DMTF1: variants seen among roughly 807,000 people sequenced by gnomAD.
The protein encoded by DMTF1 is cyclin D binding myb like transcription factor 1, also known as cyclin-D-binding Myb-like transcription factor 1.
DMTF1 carries 39 observed loss-of-function variants against 91.1 expected under a neutral mutation model. The observed-to-expected ratio is 0.43, with a 90% CI of 0.33 to 0.56. The LOEUF (loss-of-function observed/expected upper bound fraction) is 0.56, where lower values mean the gene tolerates loss of function less well. DMTF1 is among the 20% of genes least tolerant of loss of function. The pLI is 0.05. For synonymous variants in DMTF1, 338 were observed against 309.5 expected (o/e 1.09, Z -0.97); for missense variants, 750 against 914.5 (o/e 0.82, Z 2.32).
At chr7:87,157,704 C>A (rs1791123856) in intron 1 of DMTF1, among the ~76,000 whole-genome samples, 2 of 152,004 alleles carry the variant, frequency 1.3e-5, no homozygotes, top group South Asian at 2.1e-4. Flanking sequence ...AGAGTTATTT[C>A]TTTATGCTTA....
Position 87,174,680 on chromosome 7 carries a change from G to A in DMTF1, c.519+11G>A, listed in dbSNP as rs1365419172. 1 of 1,581,150 alleles carries A rather than the reference G, an allele frequency of 6.3e-7. No homozygotes were observed. On this transcript the variant is annotated intron_variant, in intron 7 of 17. Transcript: ENST00000331242. ...GAACGCTATCTTAAGGTATCTTATGGCATATTTTTATGTTTCACCAATTTG... is the reference window on the plus strand; with the variant it reads ...GAACGCTATCTTAAGGTATCTTATGACATATTTTTATGTTTCACCAATTTG...
intron 12 of DMTF1, 126 bp from the exon 13 acceptor site, chr7:87,187,966 T>C: frequency 1.5e-6 from 1 of 651,222 alleles, no homozygotes; most frequent in South Asian, 1.9e-5. Flanking sequence ...TTATAAGCTC[T>C]CACATCCAGT....
rs375198659 is a variant in DMTF1, at chr7:87,188,129, A to G, written c.1239A>G (p.Gln413=). 7 of 1,613,822 alleles carry G rather than the reference A, an allele frequency of 4.3e-6. No homozygotes were observed. The highest frequency in any genetic ancestry group is 4.5e-5 in the East Asian group (2 of 44,882). Residue 413 remains glutamine, a synonymous_variant, in exon 13 of 18, where the codon CAA becomes CAG. Transcript: ENST00000331242. ...IKGLKQLHEN[Q]KNNPTLLENK... is the part of the protein sequence containing the mutation. ...GTCTTAAACAGTTACATGAGAACCAAAAAAACAACCCAACGCTTTTGGAGA... is the reference window on the plus strand; with the variant it reads ...GTCTTAAACAGTTACATGAGAACCAGAAAAACAACCCAACGCTTTTGGAGA...
chr7:87,179,803 T>C (rs1796958843), intron 8 of DMTF1, 101 bp downstream of exon 8: 5 of 1,110,414 alleles, frequency 4.5e-6, no homozygotes, highest in Non-Finnish European at 6.3e-6. Flanking sequence ...AAGGTATTAA[T>C]TGTTGTTAAT....
chr7:87,180,081 T>TA lies in DMTF1; in HGVS notation c.677+382dup, dbSNP rs550050283. 1.4e-4 allele frequency among the ~76,000 whole-genome samples: 22 copies of TA among 152,384 alleles called. No individual in the cohort carries two copies. In the East Asian group the frequency reaches 4.2e-3, roughly 29 times the overall value. On this transcript the variant is annotated intron_variant, in intron 8 of 17. Transcript: ENST00000331242. ...CATTCCTAGGTCAGTGGCCTTTTTT[T>TA]AAATCCAGAATGGAAAAGAACTACA... is the stretch of plus-strand genomic sequence containing the variant.
chr7:87,158,770 A>G lies in DMTF1; in HGVS notation c.-131-4725A>G, dbSNP rs545401785. On this transcript the variant is annotated intron_variant, in intron 1 of 17. Coordinates refer to ENST00000331242, the MANE Select transcript of DMTF1 (RefSeq NM_001142327.2). ...CTGTATTTCATTTTATACTTTTTTT[A>G]GGTCTTCATTTATAGGGTATAAAAC... 5.9e-5 allele frequency among the ~76,000 whole-genome samples: 9 copies of G among 152,152 alleles called. No homozygotes were observed. The South Asian group carries it at 1.9e-3, about 32-fold the overall frequency.
intron 10 of DMTF1, among the ~76,000 whole-genome samples, chr7:87,183,112 C>T (rs1253581905): frequency 6.6e-6 from 1 of 152,170 alleles, no homozygotes; most frequent in Non-Finnish European, 1.5e-5. Context: ...TGAAGTTTAG[C>T]TTTAGCTTCC....
intron 11 of DMTF1, chr7:87,184,893 G>A: frequency 1.8e-6 from 1 of 560,784 alleles, no homozygotes; most frequent in South Asian, 1.5e-5. Context: ...CACAGAACAG[G>A]TATGGCACAG....
chr7:87,194,070 C>A lies in DMTF1; in HGVS notation c.1996C>A (p.Pro666Thr), dbSNP rs746418528. Residue 666 changes from proline to threonine, a missense_variant, in exon 16 of 18, where the codon CCC (proline) becomes ACC (threonine). Pro to Thr is a conservative substitution (Grantham distance 38). Around this residue, in one of 3 missense-constraint regions of DMTF1, gnomAD observed 410 missense variants for 420.2 expected, o/e 0.98. Coordinates refer to ENST00000331242, the MANE Select transcript of DMTF1 (RefSeq NM_001142327.2). ...SDTDLKQEESPSDLASAYVTE... is the reference protein window; with the variant it reads ...SDTDLKQEESTSDLASAYVTE... The stretch of plus-strand genomic sequence containing the variant: ...CACCGACCTTAAACAAGAGGAATCA[C>A]CCTCTGATTTAGCCAGTGCTTATGT... 3 of 1,607,714 alleles carry A rather than the reference C, an allele frequency of 1.9e-6. No homozygotes were observed. The highest frequency in any genetic ancestry group is 2.5e-6 in the Non-Finnish European group (3 of 1,177,078).
chr7:87,175,498 G>C (rs1425347581), intron 7 of DMTF1, among the ~76,000 whole-genome samples: 3 of 152,174 alleles, frequency 2.0e-5, no homozygotes, highest in Non-Finnish European at 4.4e-5. Context: ...GGCATGGATT[G>C]CTTTAACAGT....
At chr7:87,177,779 T>C (rs890760113) in intron 7 of DMTF1, among the ~76,000 whole-genome samples, 1 of 152,310 alleles carries the variant, frequency 6.6e-6, no homozygotes. Flanking sequence ...TCTCTTTCTG[T>C]GTAGATGTCT....
chr7:87,171,282 T>C (rs1023182756), intron 5 of DMTF1, among the ~76,000 whole-genome samples, 193 bp downstream of exon 5: 10 of 152,260 alleles, frequency 6.6e-5, no homozygotes, highest in African/African-American at 2.2e-4. Flanking sequence ...AGTTGAGTTA[T>C]AATTTAATAT....
At chr7:87,189,655 ATC>A in intron 13 of DMTF1, among the ~76,000 whole-genome samples, 1 of 152,228 alleles carries the variant, frequency 6.6e-6, no homozygotes, top group East Asian at 1.9e-4. Flanking sequence ...TCTAACTAAA[ATC>A]TCTTTTCGTT....
intron 12 of DMTF1, chr7:87,187,460 G>C (rs1230483301): frequency 6.6e-6 from 1 of 152,324 alleles, no homozygotes; most frequent in Non-Finnish European, 1.5e-5. Context: ...CAGGAGGATG[G>C]CTTGAGTCCA....
rs967793668 is a variant in DMTF1 at position 87,152,457 on chromosome 7, C to G, written c.-230C>G. On this transcript the variant is annotated 5_prime_UTR_variant, in exon 1 of 18. Coordinates refer to ENST00000331242, the MANE Select transcript of DMTF1 (RefSeq NM_001142327.2). ...GGTGGCTCGTCGCGCTCGCTCACTC[C>G]AGCTGCAGCCACTCTCGCCCGTGGC... is the stretch of plus-strand genomic sequence containing the variant. The G allele has an allele frequency of 1.3e-5, 2 of 153,936 alleles. No homozygotes were observed. The highest frequency in any genetic ancestry group is 6.5e-5 in the Admixed American group (1 of 15,294). The allele number at this position is 153,936 out of a possible 1,614,324, so 9.5% of individuals were successfully genotyped here. A position where few individuals can be genotyped will look rare whatever the true frequency, so the allele number is the denominator to read the frequency against.
At chr7:87,165,078 T>A in intron 3 of DMTF1, 28 bp downstream of exon 3, 3 of 1,501,424 alleles carry the variant, frequency 2.0e-6, no homozygotes, top group Non-Finnish European at 2.8e-6. Flanking sequence ...CATATAATTC[T>A]GACTCTCTGA....
intron 2 of DMTF1, chr7:87,164,342 T>G (rs1207891874): frequency 6.6e-6 from 1 of 152,172 alleles, no homozygotes; most frequent in African/African-American, 2.4e-5. Context: ...GTAAGGATAC[T>G]TTGAACGATG....
chr7:87,164,288 A>G (rs1192078007), intron 2 of DMTF1: 1 of 152,114 alleles, frequency 6.6e-6, no homozygotes, highest in Non-Finnish European at 1.5e-5. Context: ...TAGTTATTCC[A>G]TCTGTCTGAA....
At chr7:87,177,519 C>T (rs1475167453) in intron 7 of DMTF1, among the ~76,000 whole-genome samples, 2 of 152,076 alleles carry the variant, frequency 1.3e-5, no homozygotes, top group Admixed American at 1.3e-4. Context: ...ATTTGTATTA[C>T]AGATACCTTG....
Sources: gnomAD v4.1 joint callset for allele counts (sites outside exome capture counted in the v4.1 genomes callset) on GRCh38, gnomAD v4.1.1 for gene constraint, gnomAD v4.1.1 regional missense constraint, MANE v1.5 for transcripts, NCBI Gene and HGNC (gene_info 2026-07-23, HGNC 2026-07-21) for gene names.